TP53BP1: variants seen among roughly 807,000 people sequenced by gnomAD.
TP53BP1 encodes the protein TP53-binding protein 1.
A neutral mutation model predicts 200.8 loss-of-function variants in TP53BP1; 61 were observed. The ratio of observed to expected loss-of-function variants is 0.30; its 90% confidence interval spans 0.25 to 0.38. The LOEUF (loss-of-function observed/expected upper bound fraction) is 0.38. Ranked by LOEUF, TP53BP1 falls within the 10% of genes least tolerant of loss-of-function variation. The probability of loss-of-function intolerance (pLI) is 1.00; values close to 1 mark genes in which losing one functional copy is unlikely to be tolerated. For missense variants in TP53BP1, 2,144 were observed against 2,371.9 expected (o/e 0.90, Z 2.00); for synonymous variants, 822 against 844.3 (o/e 0.97, Z 0.46).
chr15:43,427,452 G>C (rs1318516186), intron 18 of TP53BP1, among the ~76,000 whole-genome samples: 2 of 152,180 alleles, frequency 1.3e-5, no homozygotes, highest in Non-Finnish European at 2.9e-5. Context: ...TTATCAGTCT[G>C]TTCTTTACAG....
chr15:43,496,515 T>G (rs370659007), upstream of TP53BP1, among the ~76,000 whole-genome samples: 27 of 152,320 alleles, frequency 1.8e-4, no homozygotes, highest in East Asian at 4.8e-3. Context: ...TTAAAGTTGC[T>G]TCACGATCTT....
chr15:43,454,524 TG>T (rs1296533469), intron 12 of TP53BP1, among the ~76,000 whole-genome samples: 3 of 149,662 alleles, frequency 2.0e-5, no homozygotes, highest in Non-Finnish European at 3.0e-5. Context: ...CCAGCACTCC[TG>T]GCTAATTTTG....
chr15:43,449,556 T>C (rs983498652), intron 12 of TP53BP1, among the ~76,000 whole-genome samples: 1 of 152,158 alleles, frequency 6.6e-6, no homozygotes, highest in East Asian at 1.9e-4. Flanking sequence ...TAATGGAAAA[T>C]TCAGACTTTT....
Position 43,454,504 on chromosome 15 carries a change from T to C in TP53BP1, c.2716+1388A>G, listed in dbSNP as rs568737519. Among the ~76,000 whole-genome samples the C allele has an allele frequency of 4.6e-3, 664 of 144,048 alleles. 4 individuals are homozygous for C. The highest frequency in any genetic ancestry group is 0.016 in the African/African-American group (613 of 39,012). 94.5% of individuals were successfully genotyped at this position (144,048 alleles called of 152,430 possible). On this transcript the variant is annotated intron_variant, in intron 12 of 27. Transcript: ENST00000382044. ...TCAGCCTCCCGAGTAGCTGGGATTA[T>C]AGGCGCCTGCCAGCACTCCTGGCTA...
chr15:43,441,075 C>T (rs1331489228), intron 15 of TP53BP1, among the ~76,000 whole-genome samples: 1 of 152,106 alleles, frequency 6.6e-6, no homozygotes, highest in Non-Finnish European at 1.5e-5. Flanking sequence ...ACATCCATGA[C>T]AAAGCAAAAA....
chr15:43,447,400 T>G lies in TP53BP1; in HGVS notation c.2802A>C (p.Leu934=). 1 of 1,602,626 alleles carries G rather than the reference T, an allele frequency of 6.2e-7. No homozygotes were observed. Among genetic ancestry groups the G allele is most frequent in the Non-Finnish European group, 8.5e-7 (1 of 1,177,564 alleles). Reference sequence around the variant, plus strand: ...TACTGTGTCTCTTGGGCTCCAATTTTAGGTGCCCAATAAGAGGTGGGGTTG... The same window carrying G: ...TACTGTGTCTCTTGGGCTCCAATTTGAGGTGCCCAATAAGAGGTGGGGTTG... ...TGATPPLIGH[L]KLEPKRHSTP... The change falls in exon 13 of 28, where the codon CTA becomes CTC. Residue 934 remains leucine, a synonymous_variant. Coordinates refer to ENST00000382044, the MANE Select transcript of TP53BP1 (RefSeq NM_001141980.3).
intron 4 of TP53BP1, among the ~76,000 whole-genome samples, chr15:43,484,409 C>T (rs1380523304): frequency 2.6e-5 from 4 of 152,168 alleles, no homozygotes; most frequent in South Asian, 2.1e-4. Context: ...CTGCCTCTAG[C>T]CTTGTCCTGC....
chr15:43,481,720 C>T (rs1169683540), intron 4 of TP53BP1, among the ~76,000 whole-genome samples: 2 of 150,132 alleles, frequency 1.3e-5, no homozygotes, highest in Admixed American at 6.7e-5. Context: ...GAGGCTGAGG[C>T]AGGAAAATTG....
chr15:43,466,274 A>G (rs2046578821), intron 11 of TP53BP1, among the ~76,000 whole-genome samples: 1 of 152,218 alleles, frequency 6.6e-6, no homozygotes, highest in South Asian at 2.1e-4. Flanking sequence ...GGAGGGTCCA[A>G]AAGAGGTTTC....
chr15:43,453,939 G>A (rs1470609474), intron 12 of TP53BP1, among the ~76,000 whole-genome samples: 3 of 151,860 alleles, frequency 2.0e-5, no homozygotes, highest in East Asian at 1.9e-4. Flanking sequence ...TGGGTGCAGC[G>A]GCTCACGCCT....
In TP53BP1 at chr15:43,457,146, A is replaced by C; in HGVS notation, c.1462T>G (p.Ser488Ala). The C allele has an allele frequency of 6.2e-7, 1 of 1,613,630 alleles. No homozygotes were observed. The highest frequency in any genetic ancestry group is 8.5e-7 in the Non-Finnish European group (1 of 1,179,556). ...DGKKDGDMHS[S>A]SLTVECSKTS... ...TTAGAACACTCAACTGTCAAAGATG[A>C]ACTATGCATATCTCCATCTTTCTTC... Residue 488 changes from serine (S) to alanine (A), a missense_variant, in exon 12 of 28, where the codon TCA becomes GCA. Coordinates refer to ENST00000382044, the MANE Select transcript of TP53BP1 (RefSeq NM_001141980.3).
At chr15:43,482,624 C>T (rs1299400012) in intron 4 of TP53BP1, among the ~76,000 whole-genome samples, 5 of 151,868 alleles carry the variant, frequency 3.3e-5, no homozygotes, top group Non-Finnish European at 5.9e-5. Flanking sequence ...AAAAATTAGC[C>T]GGGCGTGGTG....
chr15:43,479,627 C>A, intron 6 of TP53BP1, 101 bp from the exon 7 acceptor site: 1 of 1,348,656 alleles, frequency 7.4e-7, no homozygotes, highest in Non-Finnish European at 1.0e-6. Flanking sequence ...TAACAGAAGT[C>A]CAATTTAAAA....
chr15:43,450,441 T>C (rs994618509), intron 12 of TP53BP1, among the ~76,000 whole-genome samples: 59 of 152,346 alleles, frequency 3.9e-4, no homozygotes, highest in Middle Eastern at 3.4e-3. Context: ...TAATAGCCAA[T>C]TAAGATGGCA....
chr15:43,490,264 A>G, intron 4 of TP53BP1, among the ~76,000 whole-genome samples: 1 of 151,736 alleles, frequency 6.6e-6, no homozygotes. Context: ...TAATTTTTGT[A>G]TTTTTAAGAG....
At chr15:43,425,609 G>A (rs904587250) in intron 18 of TP53BP1, among the ~76,000 whole-genome samples, 1 of 152,100 alleles carries the variant, frequency 6.6e-6, no homozygotes, top group Non-Finnish European at 1.5e-5. Flanking sequence ...AAAAGAGCGA[G>A]ACCCTGTCTC....
intron 3 of TP53BP1, 24 bp from the exon 4 acceptor site, chr15:43,491,777 G>C (rs376374370): frequency 1.0e-4 from 165 of 1,575,036 alleles, no homozygotes; most frequent in Non-Finnish European, 1.4e-4. Flanking sequence ...CTGGATATTA[G>C]CATGAAAGAC....
intron 14 of TP53BP1, among the ~76,000 whole-genome samples, chr15:43,444,107 T>A (rs1437241672): frequency 1.3e-5 from 2 of 152,210 alleles, no homozygotes; most frequent in African/African-American, 4.8e-5. Context: ...GATGAAATGA[T>A]GTAAGTAACA....
intron 14 of TP53BP1, among the ~76,000 whole-genome samples, chr15:43,445,319 A>T (rs933060578): frequency 2.0e-5 from 3 of 152,138 alleles, no homozygotes; most frequent in Non-Finnish European, 4.4e-5. Context: ...ACATCTTACT[A>T]AACTTGCTCC....
Sources: gnomAD v4.1 joint callset for allele counts (sites outside exome capture counted in the v4.1 genomes callset) on GRCh38, gnomAD v4.1.1 for gene constraint, MANE v1.5 for transcripts, NCBI Gene and HGNC (gene_info 2026-07-23, HGNC 2026-07-21) for gene names.